KLHL5: variants seen among roughly 807,000 people sequenced by gnomAD.
KLHL5 encodes kelch like family member 5, also known as kelch-like protein 5.
A neutral mutation model predicts 77.7 loss-of-function variants in KLHL5; 48 were observed. That is an observed-to-expected ratio of 0.62 (90% confidence interval 0.49 to 0.79). KLHL5 has a LOEUF of 0.79. Ranked by LOEUF, KLHL5 falls within the 30% of genes least tolerant of loss-of-function variation. KLHL5 has a pLI of 0.00. For missense variants in KLHL5, 723 were observed against 859.7 expected (o/e 0.84, Z 1.99); for synonymous variants, 260 against 297.0 (o/e 0.88, Z 1.28).
At chr4:39,100,867 A>G (rs1721470278) in intron 6 of KLHL5, among the ~76,000 whole-genome samples, 1 of 151,888 alleles carries the variant, frequency 6.6e-6, no homozygotes, top group Non-Finnish European at 1.5e-5. Context: ...CTTATTTCCC[A>G]TCTTTGTAAT....
At chr4:39,077,286 G>A (rs1897134) in intron 2 of KLHL5, among the ~76,000 whole-genome samples, 114,534 of 151,450 alleles carry the variant, frequency 0.76, 43,309 homozygotes, top group East Asian at 0.82. Flanking sequence ...GTGAAACCCC[G>A]TCTCTACTAA....
At chr4:39,098,439 G>A (rs944409175) in intron 6 of KLHL5, among the ~76,000 whole-genome samples, 10 of 149,358 alleles carry the variant, frequency 6.7e-5, no homozygotes, top group Non-Finnish European at 1.5e-4. Context: ...ACTAATTTTT[G>A]TATTTTTAGT....
At chr4:39,056,349 G>T (rs890006023) in intron 1 of KLHL5, among the ~76,000 whole-genome samples, 4 of 152,164 alleles carry the variant, frequency 2.6e-5, no homozygotes, top group African/African-American at 9.7e-5. Flanking sequence ...GACCTCAAGT[G>T]ATCCACCCTC....
chr4:39,069,535 CAT>C (rs60163692), intron 1 of KLHL5, among the ~76,000 whole-genome samples: 5,932 of 134,980 alleles, frequency 0.044, 144 homozygotes, highest in Non-Finnish European at 0.053. Context: ...ACTTTTTTAC[CAT>C]ATATATATAT....
chr4:39,108,395 T>C (rs942279360), intron 8 of KLHL5, among the ~76,000 whole-genome samples: 1 of 152,156 alleles, frequency 6.6e-6, no homozygotes, highest in Non-Finnish European at 1.5e-5. Context: ...TAGAATGCTT[T>C]ATCATTGTTT....
intron 4 of KLHL5, among the ~76,000 whole-genome samples, chr4:39,082,762 A>T (rs1719728893): frequency 6.6e-6 from 1 of 152,224 alleles, no homozygotes; most frequent in South Asian, 2.1e-4. Context: ...AAACCTTCAC[A>T]TGTACCCCTG....
chr4:39,045,195 G>C (rs997814739), intron 1 of KLHL5: 5 of 981,848 alleles, frequency 5.1e-6, no homozygotes, highest in Non-Finnish European at 6.0e-6. Flanking sequence ...GCGGCCTCCC[G>C]GAGCGCGCGG....
intron 1 of KLHL5, among the ~76,000 whole-genome samples, chr4:39,051,729 ACAAAC>A (rs1438380076): frequency 1.3e-5 from 2 of 152,036 alleles, no homozygotes; most frequent in African/African-American, 4.8e-5. Flanking sequence ...AAACAAACAA[ACAAAC>A]CAGGTCCCAC....
chr4:39,064,738 T>C (rs1717732379), intron 1 of KLHL5, among the ~76,000 whole-genome samples: 2 of 152,114 alleles, frequency 1.3e-5, no homozygotes, highest in South Asian at 4.1e-4. Context: ...AGAAATATCT[T>C]GGTGGGCTAT....
chr4:39,120,862 C>A, intron 10 of KLHL5, 148 bp from the exon 11 acceptor site: 1 of 600,976 alleles, frequency 1.7e-6, no homozygotes, highest in South Asian at 2.5e-5. Flanking sequence ...GGGAAGGGGA[C>A]CAGGCCAGAA....
intron 10 of KLHL5, among the ~76,000 whole-genome samples, chr4:39,119,274 T>A (rs934335781): frequency 6.6e-6 from 1 of 152,158 alleles, no homozygotes; most frequent in Non-Finnish European, 1.5e-5. Flanking sequence ...GAACTCGTTA[T>A]CATAGTGTCT....
chr4:39,106,895 G>A (rs868418589), intron 7 of KLHL5, among the ~76,000 whole-genome samples: 4 of 129,600 alleles, frequency 3.1e-5, no homozygotes, highest in Non-Finnish European at 5.1e-5. Context: ...ATGCCATCAC[G>A]CCTGGCTAAT....
intron 4 of KLHL5, among the ~76,000 whole-genome samples, chr4:39,082,965 T>A (rs1288879554): frequency 2.0e-5 from 3 of 151,874 alleles, no homozygotes; most frequent in Admixed American, 1.3e-4. Flanking sequence ...GACTGAAGAG[T>A]GTTGCTTTAA....
chr4:39,069,434 A>ATATT (rs1718210185), intron 1 of KLHL5, among the ~76,000 whole-genome samples: 1 of 19,670 alleles, frequency 5.1e-5, no homozygotes, highest in Non-Finnish European at 8.8e-5. Context: ...AACATTTTAT[A>ATATT]TATATATATA....
At chr4:39,117,515 T>C (rs1722924714) in intron 10 of KLHL5, among the ~76,000 whole-genome samples, 1 of 152,128 alleles carries the variant, frequency 6.6e-6, no homozygotes, top group Admixed American at 6.5e-5. Context: ...AAGCATTCAA[T>C]GTAGATGGAT....
chr4:39,099,774 G>A (rs1297459425), intron 6 of KLHL5, among the ~76,000 whole-genome samples: 1 of 152,148 alleles, frequency 6.6e-6, no homozygotes, highest in Non-Finnish European at 1.5e-5. Context: ...ATTTGTAGAT[G>A]CTTAAGTTTT....
chr4:39,045,236 G>T (rs1280085789), intron 1 of KLHL5: 5 of 916,594 alleles, frequency 5.5e-6, no homozygotes, highest in Non-Finnish European at 6.5e-6. Context: ...CCCGGAGGCG[G>T]CTGCGAGGCC....
intron 1 of KLHL5, among the ~76,000 whole-genome samples, 155 bp downstream of exon 1, chr4:39,063,190 A>G (rs1445271488): frequency 6.6e-6 from 1 of 152,158 alleles, no homozygotes; most frequent in African/African-American, 2.4e-5. Flanking sequence ...TACTTCTGCT[A>G]GGGTTTTTTT....
chr4:39,079,842 T>C (rs904563669), intron 2 of KLHL5, among the ~76,000 whole-genome samples: 6 of 152,222 alleles, frequency 3.9e-5, no homozygotes, highest in Non-Finnish European at 7.3e-5. Context: ...AATGAATGAA[T>C]GAATGAATGG....
Sources: gnomAD v4.1 joint callset for allele counts (sites outside exome capture counted in the v4.1 genomes callset) on GRCh38, gnomAD v4.1.1 for gene constraint, MANE v1.5 for transcripts, NCBI Gene and HGNC (gene_info 2026-07-23, HGNC 2026-07-21) for gene names.